PKD2L2: variants seen among roughly 807,000 people sequenced by gnomAD.
PKD2L2 encodes the protein polycystin 2 like 2, transient receptor potential cation channel.
Under a neutral mutation model 83.9 loss-of-function variants are expected in PKD2L2, and 67 were observed. That is an observed-to-expected ratio of 0.80 (90% CI 0.66 to 0.98). PKD2L2 has a LOEUF of 0.98. Among genes scored for constraint, PKD2L2 ranks in the 50% least tolerant of loss-of-function variants. The pLI, the probability that PKD2L2 is intolerant of heterozygous loss-of-function variation, is 0.00. For missense variants in PKD2L2, 632 were observed against 717.2 expected (o/e 0.88, Z 1.36); for synonymous variants, 223 against 237.8 (o/e 0.94, Z 0.57).
chr5:137,920,878 G>C (rs1758835417), intron 8 of PKD2L2, among the ~76,000 whole-genome samples: 1 of 152,156 alleles, frequency 6.6e-6, no homozygotes, highest in South Asian at 2.1e-4. Flanking sequence ...CAGAATTTAA[G>C]AGTTGGTTAA....
chr5:137,892,483 CT>C lies in PKD2L2; in HGVS notation c.141del (p.Phe47LeufsTer4). On this transcript the variant is annotated frameshift_variant, in exon 3 of 15. Transcript: ENST00000508883. LOFTEE classifies it high-confidence loss of function. Reference sequence around the variant, plus strand: ...AACAAAAAATTATTCTCCTTAGTGACTTTTGGGATGGTAAACCCACATATGT... The same window carrying C: ...AACAAAAAATTATTCTCCTTAGTGACTTTGGGATGGTAAACCCACATATGT... Reference protein sequence around the residue: ...FIFLINLCILTFGMVNPHMYY... With the variant: ...FIFLINLCILXFGMVNPHMYY... The C allele has an allele frequency of 2.0e-6, 3 of 1,507,880 alleles. No individual in the cohort carries two copies. The highest frequency in any genetic ancestry group is 2.5e-5 in the East Asian group (1 of 40,768). 93.4% of individuals were successfully genotyped at this position (1,507,880 alleles called of 1,614,324 possible).
At chr5:137,910,329 A>G (rs1455389921) in intron 8 of PKD2L2, among the ~76,000 whole-genome samples, 1 of 151,398 alleles carries the variant, frequency 6.6e-6, no homozygotes, top group Admixed American at 6.6e-5. Context: ...AGAGCCTAGG[A>G]AATTTGTCTT....
chr5:137,940,787 C>A (rs1366947515), intron 14 of PKD2L2, among the ~76,000 whole-genome samples: 1 of 152,098 alleles, frequency 6.6e-6, no homozygotes. Context: ...TAGTAATGAC[C>A]CAATGCAATT....
rs375272932 is a variant in PKD2L2, at chr5:137,942,092, T to C, written c.*18-292T>C. 4.5e-5 allele frequency: 67 copies of C among 1,483,806 alleles called. No homozygotes were observed. The African/African-American group carries it at 8.9e-4, about 20-fold the overall frequency. The allele number at this position is 1,483,806 out of a possible 1,614,324, so 91.9% of individuals were successfully genotyped here. On this transcript the variant is annotated intron_variant, in intron 14 of 14. Coordinates refer to ENST00000508883, the MANE Select transcript of PKD2L2 (RefSeq NM_001300921.2). ...ACTGAAGGGCACACTTGATTCATTATATTCTTAAGAGAGGTTCTATTTCTG... is the reference window on the plus strand; with the variant it reads ...ACTGAAGGGCACACTTGATTCATTACATTCTTAAGAGAGGTTCTATTTCTG...
intron 4 of PKD2L2, among the ~76,000 whole-genome samples, chr5:137,895,809 C>G (rs1756406093): frequency 6.7e-6 from 1 of 148,198 alleles, no homozygotes; most frequent in African/African-American, 2.5e-5. Context: ...ACCCAGAAGG[C>G]GAAGGTTGTG....
intron 8 of PKD2L2, 22 bp from the exon 9 acceptor site, chr5:137,921,613 TC>T (rs1758913813): frequency 6.7e-7 from 1 of 1,482,890 alleles, no homozygotes; most frequent in Non-Finnish European, 9.3e-7. Context: ...GTATATATTT[TC>T]TACTGTTTTT....
chr5:137,892,421 A>T, intron 2 of PKD2L2, 59 bp from the exon 3 acceptor site: 1 of 934,606 alleles, frequency 1.1e-6, no homozygotes, highest in Non-Finnish European at 1.5e-6. Context: ...TAACATTTTT[A>T]ATCCTGATAA....
chr5:137,939,011 A>T (rs1760918075), intron 14 of PKD2L2: 1 of 152,220 alleles, frequency 6.6e-6, no homozygotes, highest in African/African-American at 2.4e-5. Flanking sequence ...TGTAACAATG[A>T]TTAGCAGAAT....
intron 14 of PKD2L2, chr5:137,940,404 C>T (rs1761301232): frequency 1.1e-5 from 14 of 1,302,136 alleles, no homozygotes; most frequent in Non-Finnish European, 1.4e-5. Context: ...AAAAAAGATC[C>T]AAAAGTTGTC....
At chr5:137,923,660 G>T in intron 10 of PKD2L2, 139 bp downstream of exon 10, 2 of 626,526 alleles carry the variant, frequency 3.2e-6, no homozygotes, top group East Asian at 2.9e-5. Flanking sequence ...GGTTTGTTTT[G>T]TGTTTTGATC....
At chr5:137,909,002 T>G in intron 8 of PKD2L2, 56 bp downstream of exon 8, 3 of 1,007,110 alleles carry the variant, frequency 3.0e-6, no homozygotes, top group South Asian at 1.5e-5. Flanking sequence ...CAAAAAAAAT[T>G]GGAAAGGTCT....
In PKD2L2 at chr5:137,904,644, GA is replaced by G. The variant is rs945756069; in HGVS notation, c.747-1555del. Among the ~76,000 whole-genome samples, 13 of 152,044 alleles carry G rather than the reference GA, an allele frequency of 8.6e-5. 1 individual carries two copies. Among genetic ancestry groups the G allele is most frequent in the Admixed American group, 7.2e-4 (11 of 15,260 alleles). On this transcript the variant is annotated intron_variant, in intron 5 of 14. Transcript: ENST00000508883. The stretch of plus-strand genomic sequence containing the variant: ...AGGAGGGTGGGAAGGAAGAGGTTCA[GA>G]AAAAAACTGTCAGGAAGTACGCTTA...
intron 8 of PKD2L2, among the ~76,000 whole-genome samples, chr5:137,914,745 TATG>T (rs958093460): frequency 2.0e-5 from 3 of 152,208 alleles, no homozygotes; most frequent in Non-Finnish European, 4.4e-5. Flanking sequence ...AACCATTGAG[TATG>T]ATGTTAGCTG....
intron 11 of PKD2L2, 22 bp downstream of exon 11, chr5:137,925,126 G>C: frequency 6.9e-7 from 1 of 1,439,324 alleles, no homozygotes; most frequent in Non-Finnish European, 9.8e-7. Flanking sequence ...TCTCTCAAAT[G>C]TTTAACTTAC....
chr5:137,897,651 A>C (rs1051647009), intron 4 of PKD2L2, among the ~76,000 whole-genome samples: 1 of 152,234 alleles, frequency 6.6e-6, no homozygotes, highest in Non-Finnish European at 1.5e-5. Flanking sequence ...AATTAAAAAC[A>C]AAAAATTGGA....
At chr5:137,903,341 A>G (rs1035805730) in intron 5 of PKD2L2, among the ~76,000 whole-genome samples, 1 of 152,206 alleles carries the variant, frequency 6.6e-6, no homozygotes. Flanking sequence ...TGAGTCCAGC[A>G]TCAAGGGCTG....
intron 4 of PKD2L2, among the ~76,000 whole-genome samples, chr5:137,898,701 ATG>A (rs926401915): frequency 1.3e-5 from 2 of 152,020 alleles, no homozygotes; most frequent in Non-Finnish European, 2.9e-5. Context: ...CTACAGGCAT[ATG>A]CCACCACAGC....
intron 9 of PKD2L2, among the ~76,000 whole-genome samples, chr5:137,923,198 T>TA (rs1277678049): frequency 1.3e-5 from 2 of 152,018 alleles, no homozygotes; most frequent in African/African-American, 4.8e-5. Flanking sequence ...GTATTTTTAG[T>TA]AGAGACAGGG....
intron 14 of PKD2L2, chr5:137,940,589 A>G (rs1761396056): frequency 5.3e-6 from 2 of 374,660 alleles, no homozygotes; most frequent in Middle Eastern, 7.1e-4. Flanking sequence ...TAATCAACAT[A>G]GATAACTGGA....
Sources: gnomAD v4.1 joint callset for allele counts (sites outside exome capture counted in the v4.1 genomes callset) on GRCh38, gnomAD v4.1.1 for gene constraint, MANE v1.5 for transcripts, NCBI Gene and HGNC (gene_info 2026-07-23, HGNC 2026-07-21) for gene names.